The following URB1 variants were observed in gnomAD, a reference collection of about 807,000 sequenced individuals.
URB1 encodes the protein URB1 ribosome biogenesis factor.
A neutral mutation model predicts 242.3 loss-of-function variants in URB1; 197 were observed. That is an observed-to-expected ratio of 0.81 (90% CI 0.72 to 0.91). URB1 has a LOEUF of 0.91. URB1 is among the 40% of genes least tolerant of loss of function. URB1 has a pLI of 0.00. For missense variants in URB1, 2,721 were observed against 2,860.5 expected (o/e 0.95, Z 1.11); for synonymous variants, 1,153 against 1,201.8 (o/e 0.96, Z 0.84).
At position 32,316,906 on chromosome 21, in the gene URB1, TA is replaced by T; in HGVS notation, c.6193del (p.Tyr2065ThrfsTer5). ...CKGLLRSILT[Y>X]WRPVIPGPDP... ...AGGACCAGGGATCACTGGTCTCCAG[TA>T]AGTCAAGATGGACCTCAGGAGGCCC... On this transcript the variant is annotated frameshift_variant, in exon 38 of 39. Coordinates refer to ENST00000382751, the MANE Select transcript of URB1 (RefSeq NM_014825.3). LOFTEE classifies it high-confidence loss of function. 6.4e-7 allele frequency: 1 copy of T among 1,551,640 alleles called. No homozygotes were observed.
At chr21:32,360,335 C>T (rs966077612) in intron 13 of URB1, among the ~76,000 whole-genome samples, 3 of 152,240 alleles carry the variant, frequency 2.0e-5, no homozygotes, top group African/African-American at 7.2e-5. Context: ...CTCTGGGCTT[C>T]TCCTTTGCTA....
At chr21:32,350,084 T>C (rs2033139812) in intron 20 of URB1, among the ~76,000 whole-genome samples, 2 of 148,984 alleles carry the variant, frequency 1.3e-5, no homozygotes, top group South Asian at 4.3e-4. Flanking sequence ...GATCCTGCCA[T>C]TGCACTCCAT....
At chr21:32,335,520 C>A (rs1006172442) in intron 28 of URB1, 2 of 152,394 alleles carry the variant, frequency 1.3e-5, no homozygotes, top group African/African-American at 2.4e-5. Flanking sequence ...CGCCTCCAGG[C>A]AATCAAGGAA....
intron 1 of URB1, among the ~76,000 whole-genome samples, chr21:32,391,830 T>C (rs1336895413): frequency 6.9e-6 from 1 of 145,256 alleles, no homozygotes; most frequent in African/African-American, 2.6e-5. Context: ...CTGGACAACA[T>C]AGTGAGATTC....
At chr21:32,324,378 T>C in intron 32 of URB1, 113 bp downstream of exon 32, 1 of 813,422 alleles carries the variant, frequency 1.2e-6, no homozygotes, top group Non-Finnish European at 2.0e-6. Flanking sequence ...GAGCACGGAG[T>C]GGCCTTGAAC....
chr21:32,344,645 G>C lies in URB1; in HGVS notation c.4182C>G (p.Phe1394Leu). 2.6e-6 allele frequency: 4 copies of C among 1,552,304 alleles called. No individual in the cohort carries two copies. Among genetic ancestry groups the C allele is most frequent in the Non-Finnish European group, 3.5e-6 (4 of 1,147,144 alleles). The change falls in exon 24 of 39, where the codon TTC becomes TTG. Residue 1394 changes from phenylalanine (F) to leucine (L), a missense_variant. Phe to Leu is a conservative substitution (Grantham distance 22). Transcript: ENST00000382751. ...ESCVKWLIVS[F>L]SGGQQDDDNT... is the part of the protein sequence containing the mutation. Reference sequence around the variant, plus strand: ...TATCATCATCTTGCTGTCCACCACTGAAAGACACGATCAGCCACTTCACAC... The same window carrying C: ...TATCATCATCTTGCTGTCCACCACTCAAAGACACGATCAGCCACTTCACAC...
At position 32,352,829 on chromosome 21, in the gene URB1, G is replaced by A. The variant is rs1327025506; in HGVS notation, c.2494C>T (p.Leu832Phe). The change falls in exon 19 of 39, where the codon CTC (leucine) becomes TTC (phenylalanine). Residue 832 changes from leucine (L) to phenylalanine (F), a missense_variant. Leu to Phe is a conservative substitution (Grantham distance 22). Coordinates refer to ENST00000382751, the MANE Select transcript of URB1 (RefSeq NM_014825.3). ...HTQRDPLALC[L>F]LLQAYDKLEP... ...AGCTTATCATATGCCTGGAGCAGGA[G>A]ACACAGAGCCAGGGGGTCCCTCTGG... is the stretch of plus-strand genomic sequence containing the variant. 1 of 1,551,718 alleles carries A rather than the reference G, an allele frequency of 6.4e-7. No individual in the cohort carries two copies. Among genetic ancestry groups the A allele is most frequent in the Admixed American group, 2.0e-5 (1 of 51,016 alleles).
chr21:32,391,062 T>C (rs529428888), intron 1 of URB1, among the ~76,000 whole-genome samples: 1 of 152,266 alleles, frequency 6.6e-6, no homozygotes, highest in East Asian at 1.9e-4. Context: ...TTCATGTCCT[T>C]TGTAGGGACA....
In URB1 at chr21:32,314,580, C is replaced by G. The variant is rs2032649300; in HGVS notation, c.*338G>C. On this transcript the variant is annotated 3_prime_UTR_variant, in exon 39 of 39. Coordinates refer to ENST00000382751, the MANE Select transcript of URB1 (RefSeq NM_014825.3). ...AACACAGATGAATCTCTTCTGCATTCAGAAGTGCTGCCTCAAACTCGAGCT... is the reference window on the plus strand; with the variant it reads ...AACACAGATGAATCTCTTCTGCATTGAGAAGTGCTGCCTCAAACTCGAGCT... 6.2e-7 allele frequency: 1 copy of G among 1,614,102 alleles called. No homozygotes were observed. Among genetic ancestry groups the G allele is most frequent in the Admixed American group, 1.7e-5 (1 of 60,014 alleles).
At chr21:32,363,844 T>C (rs1202237745) in intron 10 of URB1, among the ~76,000 whole-genome samples, 2 of 151,742 alleles carry the variant, frequency 1.3e-5, no homozygotes, top group African/African-American at 2.4e-5. Flanking sequence ...TTTTAAGAGA[T>C]GAGACTTAGT....
At position 32,361,917 on chromosome 21, in the gene URB1, C is replaced by T. The variant is rs745354769; in HGVS notation, c.1614G>A (p.Pro538=). ...CGCACTGGTGAGCATCGCAGGCAGC[C>T]GGGGGCCCATCGCTCCTTTTCTGCC... ...KKGQKRSDGP[P]AACDAHQCDD... Residue 538 remains proline, a synonymous_variant, in exon 12 of 39, where the codon CCG becomes CCA. Transcript: ENST00000382751. 9.0e-6 allele frequency: 14 copies of T among 1,551,376 alleles called. No individual in the cohort carries two copies. The highest frequency in any genetic ancestry group is 3.4e-4 in the Middle Eastern group (2 of 5,882).
rs1266764594 is a variant in URB1 at position 32,343,357 on chromosome 21, C to CTT, written c.4257+1212_4257+1213insAA. Among the ~76,000 whole-genome samples the CTT allele has an allele frequency of 7.2e-4, 109 of 152,134 alleles. 2 individuals carry two copies. Among genetic ancestry groups the CTT allele is most frequent in the African/African-American group, 2.5e-3 (104 of 41,440 alleles). On this transcript the variant is annotated intron_variant, in intron 24 of 38. Coordinates refer to ENST00000382751, the MANE Select transcript of URB1 (RefSeq NM_014825.3). Reference sequence around the variant, plus strand: ...AACAAAAAGTAAGAAACTACTTATTCCCACCACATGGATGAATCTGGAAAG... The same window carrying CTT: ...AACAAAAAGTAAGAAACTACTTATTCTTCCACCACATGGATGAATCTGGAAAG...
At chr21:32,317,119 A>T in intron 37 of URB1, 54 bp from the exon 38 acceptor site, 1 of 1,464,286 alleles carries the variant, frequency 6.8e-7, no homozygotes. Context: ...CTGCCCACAC[A>T]GATCCAGATG....
chr21:32,377,248 G>A (rs769393306), intron 5 of URB1: 9 of 518,878 alleles, frequency 1.7e-5, no homozygotes, highest in South Asian at 1.3e-4. Context: ...AATGGTTCAG[G>A]GCTACAGTTT....
intron 4 of URB1, among the ~76,000 whole-genome samples, chr21:32,379,158 G>A (rs1028759158): frequency 3.3e-5 from 5 of 152,244 alleles, no homozygotes; most frequent in African/African-American, 9.6e-5. Context: ...CGTTTGGGGA[G>A]GGCCCCAACA....
In URB1 at chr21:32,352,762, C is replaced by T. The variant is rs764653010; in HGVS notation, c.2561G>A (p.Arg854Gln). 6.4e-7 allele frequency: 1 copy of T among 1,551,666 alleles called. No homozygotes were observed. The change falls in exon 19 of 39, where the codon CGG (arginine) becomes CAG (glutamine). Residue 854 changes from arginine to glutamine, a missense_variant. Coordinates refer to ENST00000382751, the MANE Select transcript of URB1 (RefSeq NM_014825.3). ...CCAGAGGCTGTAGTATCTGTTAAAC[C>T]GTGAGAGCTGCTGGCAGCAAGGCAC... is the stretch of plus-strand genomic sequence containing the variant. The part of the protein sequence containing the change: ...CLVPCCQQLS[R>Q]FNRYYSLWIP...
chr21:32,337,257 G>C, intron 27 of URB1, 100 bp from the exon 28 acceptor site: 1 of 1,387,712 alleles, frequency 7.2e-7, no homozygotes, highest in South Asian at 1.3e-5. Flanking sequence ...AAATGGCCCG[G>C]TCCTCATATC....
chr21:32,348,599 A>T (rs1226149406), intron 21 of URB1, among the ~76,000 whole-genome samples: 3 of 152,202 alleles, frequency 2.0e-5, no homozygotes, highest in African/African-American at 7.2e-5. Flanking sequence ...AGACAGAAAG[A>T]AATTTTCTTT....
Position 32,334,255 on chromosome 21 carries a change from TC to T in URB1, c.4764del (p.Ser1589ValfsTer14). On this transcript the variant is annotated frameshift_variant, in exon 29 of 39. Coordinates refer to ENST00000382751, the MANE Select transcript of URB1 (RefSeq NM_014825.3). LOFTEE classifies it high-confidence loss of function. ...AGCAGGCGAAGGATGTCCCCGACAC[TC>T]GGCTGCTGCCACAGTGACCTGCCCA... ...RSLGRSLWQQ[P>X]SVGDILRLLD... The T allele has an allele frequency of 6.4e-7, 1 of 1,551,482 alleles. No homozygotes were observed. Among genetic ancestry groups the T allele is most frequent in the Non-Finnish European group, 8.7e-7 (1 of 1,146,942 alleles).
Sources: gnomAD v4.1 joint callset for allele counts (sites outside exome capture counted in the v4.1 genomes callset) on GRCh38, gnomAD v4.1.1 for gene constraint, MANE v1.5 for transcripts, NCBI Gene and HGNC (gene_info 2026-07-23, HGNC 2026-07-21) for gene names.